ANKRD36: variants seen among roughly 807,000 people sequenced by gnomAD.
ANKRD36 encodes ankyrin repeat domain-containing protein 36A.
Under a neutral mutation model 278.1 loss-of-function variants are expected in ANKRD36, and 179 were observed. That is an observed-to-expected ratio of 0.64 (90% CI 0.57 to 0.73). ANKRD36 has a LOEUF of 0.73. Among genes scored for constraint, ANKRD36 ranks in the 30% least tolerant of loss-of-function variants. The pLI is 0.00. For synonymous variants in ANKRD36, 320 were observed against 641.1 expected (o/e 0.50, Z 7.57); for missense variants, 1,159 against 1,956.7 (o/e 0.59, Z 7.69).
chr2:97,198,488 G>C lies in ANKRD36; in HGVS notation c.2679G>C (p.Leu893Phe), dbSNP rs1252048516. The change falls in exon 43 of 76, where the codon TTG (leucine) becomes TTC (phenylalanine). Residue 893 changes from leucine (L) to phenylalanine (F), a missense_variant. By Grantham distance (22) the Leu-to-Phe change is conservative. Transcript: ENST00000420699. ...TGTCTTCTGAGAAACCACCAGGCTT[G>C]AAGGTAATGAAACTGTCATTTATAT... ...RTVSSEKPPGLKASSAEKDSV... is the reference protein window; with the variant it reads ...RTVSSEKPPGFKASSAEKDSV... 3.8e-6 allele frequency: 6 copies of C among 1,578,902 alleles called. No homozygotes were observed. The highest frequency in any genetic ancestry group is 5.2e-6 in the Non-Finnish European group (6 of 1,164,628).
At chr2:97,116,496 A>G (rs1228205249) in intron 1 of ANKRD36, among the ~76,000 whole-genome samples, 3 of 151,594 alleles carry the variant, frequency 2.0e-5, no homozygotes, top group Non-Finnish European at 4.4e-5. Flanking sequence ...CTGGTCTCAG[A>G]CTCCTGACCT....
chr2:97,131,320 G>C (rs200743401), intron 6 of ANKRD36, among the ~76,000 whole-genome samples: 1 of 151,622 alleles, frequency 6.6e-6, no homozygotes, highest in African/African-American at 2.4e-5. Flanking sequence ...CTCCTAAGTC[G>C]GTGAGACTGC....
In ANKRD36 at chr2:97,198,598, G is replaced by A. The variant is rs1245527036; in HGVS notation, c.2695G>A (p.Glu899Lys). The stretch of plus-strand genomic sequence containing the variant: ...AAATTCCATTCAGGCTTCAAGTGCC[G>A]AGAAAGATTCTGTTTTGAATATAGC... The part of the protein sequence containing the change: ...KPPGLKASSA[E>K]KDSVLNIARG... The change falls in exon 44 of 76, where the codon GAG becomes AAG. Residue 899 changes from glutamate (E) to lysine (K), a missense_variant. Physicochemically the swap from Glu to Lys is moderately conservative, Grantham distance 56. Coordinates refer to ENST00000420699, the MANE Select transcript of ANKRD36 (RefSeq NM_001354587.1). 4 of 1,546,124 alleles carry A rather than the reference G, an allele frequency of 2.6e-6. No homozygotes were observed. Among genetic ancestry groups the A allele is most frequent in the South Asian group, 2.4e-5 (2 of 83,724 alleles).
In ANKRD36 at chr2:97,118,325, C is replaced by T. The variant is rs771731207; in HGVS notation, c.313-19C>T. On this transcript the variant is annotated intron_variant, in intron 2 of 75. Transcript: ENST00000420699. ...TTGATTTTTCAGTATTTGCATGTTT[C>T]TCGGTCTAATACTGACAGGCTGTAC... 2 of 1,610,820 alleles carry T rather than the reference C, an allele frequency of 1.2e-6. No homozygotes were observed. The highest frequency in any genetic ancestry group is 2.2e-5 in the South Asian group (2 of 90,532).
At chr2:97,194,581 C>G (rs2059260427) in intron 38 of ANKRD36, 145 bp from the exon 39 acceptor site, 1 of 1,465,222 alleles carries the variant, frequency 6.8e-7, no homozygotes, top group Non-Finnish European at 9.3e-7. Flanking sequence ...CTGACATGTT[C>G]TGGTCCCCAG....
At chr2:97,146,665 C>T (rs536897344) in intron 11 of ANKRD36, 149 bp downstream of exon 11, 1 of 635,372 alleles carries the variant, frequency 1.6e-6, no homozygotes, top group Admixed American at 4.2e-5. Flanking sequence ...CACAGCTTTA[C>T]AAATTATTTG....
intron 46 of ANKRD36, 75 bp from the exon 47 acceptor site, chr2:97,202,127 C>A: frequency 6.3e-7 from 1 of 1,595,290 alleles, no homozygotes; most frequent in Non-Finnish European, 8.5e-7. Flanking sequence ...GAGGTTGATT[C>A]TAACAGTGCT....
Position 97,149,322 on chromosome 2 carries a change from A to G in ANKRD36, c.1062A>G (p.Ala354=). 1.3e-6 allele frequency: 2 copies of G among 1,533,994 alleles called. No individual in the cohort carries two copies. The highest frequency in any genetic ancestry group is 1.7e-6 in the Non-Finnish European group (2 of 1,145,490). The change falls in exon 12 of 76, where the codon GCA becomes GCG. Residue 354 remains alanine (A), a synonymous_variant. Coordinates refer to ENST00000420699, the MANE Select transcript of ANKRD36 (RefSeq NM_001354587.1). Reference sequence around the variant, plus strand: ...GTCTCTACAGACCTGATGCTGTTGCACAGCCTGTGACAGAGAATGAGTTTT... The same window carrying G: ...GTCTCTACAGACCTGATGCTGTTGCGCAGCCTGTGACAGAGAATGAGTTTT... ...NRSLYRPDAV[A]QPVTENEFSL...
At chr2:97,174,857 G>A (rs1376131295) in intron 22 of ANKRD36, among the ~76,000 whole-genome samples, 1 of 151,316 alleles carries the variant, frequency 6.6e-6, no homozygotes, top group Non-Finnish European at 1.5e-5. Context: ...TTTTGTCAAA[G>A]GCTTTTTCTG....
chr2:97,205,348 C>T (rs2062553406), intron 50 of ANKRD36, among the ~76,000 whole-genome samples: 1 of 151,524 alleles, frequency 6.6e-6, no homozygotes, highest in Non-Finnish European at 1.5e-5. Context: ...CAAATTATTA[C>T]ACCACATGGG....
At chr2:97,197,369 T>G (rs2060065962) in intron 42 of ANKRD36, among the ~76,000 whole-genome samples, 1 of 151,950 alleles carries the variant, frequency 6.6e-6, no homozygotes, top group Non-Finnish European at 1.5e-5. Flanking sequence ...TACTTGATTT[T>G]GGCTGCTGCA....
At chr2:97,203,270 A>G (rs182748924) in intron 48 of ANKRD36, among the ~76,000 whole-genome samples, 1 of 151,958 alleles carries the variant, frequency 6.6e-6, no homozygotes, top group East Asian at 1.9e-4. Flanking sequence ...TAAAATGCTC[A>G]TTTTCAATGG....
intron 12 of ANKRD36, among the ~76,000 whole-genome samples, chr2:97,150,847 G>A (rs1205714050): frequency 1.3e-5 from 2 of 152,018 alleles, no homozygotes; most frequent in African/African-American, 4.8e-5. Context: ...TCTTTCTCCA[G>A]GTGTTAAGTT....
At chr2:97,172,701 A>G (rs999130762) in intron 22 of ANKRD36, among the ~76,000 whole-genome samples, 4 of 152,254 alleles carry the variant, frequency 2.6e-5, no homozygotes, top group South Asian at 2.1e-4. Flanking sequence ...GTTAAACTCT[A>G]AACTACTCAG....
At chr2:97,229,730 T>A (rs1490447278) in intron 67 of ANKRD36, among the ~76,000 whole-genome samples, 1 of 152,094 alleles carries the variant, frequency 6.6e-6, no homozygotes, top group African/African-American at 2.4e-5. Context: ...TTCTTCCTAG[T>A]CTCGATGGTC....
chr2:97,225,981 T>G (rs2069416929), intron 67 of ANKRD36, among the ~76,000 whole-genome samples: 1 of 151,850 alleles, frequency 6.6e-6, no homozygotes, highest in Non-Finnish European at 1.5e-5. Context: ...CTGCATAGTA[T>G]TCCATGGTGT....
At chr2:97,256,417 TTTC>T (rs2076226714) in intron 75 of ANKRD36, among the ~76,000 whole-genome samples, 4 of 151,938 alleles carry the variant, frequency 2.6e-5, no homozygotes, top group Admixed American at 2.6e-4. Context: ...AGATTTTCTG[TTTC>T]TTCTTGATTC....
intron 32 of ANKRD36, among the ~76,000 whole-genome samples, chr2:97,188,228 C>T (rs1366020555): frequency 6.6e-6 from 1 of 151,626 alleles, no homozygotes; most frequent in African/African-American, 2.4e-5. Context: ...CATGATACTC[C>T]CAAGAATGCT....
chr2:97,217,458 T>C lies in ANKRD36; in HGVS notation c.3775+86T>C, dbSNP rs185599436. 3.3e-5 allele frequency: 50 copies of C among 1,531,916 alleles called. No individual in the cohort carries two copies. In the Admixed American group the frequency reaches 7.8e-4, roughly 24 times the overall value. The allele number at this position is 1,531,916 out of a possible 1,614,324, so 94.9% of individuals were successfully genotyped here. ...CCTGAATAGATCAGCAGGGTGCTCATTGAAAATGCACTTTCTGATTCAGCA... is the reference window on the plus strand; with the variant it reads ...CCTGAATAGATCAGCAGGGTGCTCACTGAAAATGCACTTTCTGATTCAGCA... On this transcript the variant is annotated intron_variant, in intron 64 of 75. Transcript: ENST00000420699.
Sources: allele counts gnomAD v4.1 joint callset (sites outside exome capture counted in the v4.1 genomes callset), GRCh38; gene constraint gnomAD v4.1.1; transcripts MANE v1.5; gene names NCBI Gene and HGNC (gene_info 2026-07-23, HGNC 2026-07-21).